Variants in PPP4R3B observed in about 807,000 individuals in gnomAD.
The protein encoded by PPP4R3B is serine/threonine-protein phosphatase 4 regulatory subunit 3B.
A neutral mutation model predicts 95.4 loss-of-function variants in PPP4R3B; 52 were observed. That is an observed-to-expected ratio of 0.54 (90% confidence interval 0.44 to 0.69). PPP4R3B has a LOEUF of 0.69. PPP4R3B is among the 30% of genes least tolerant of loss of function. The pLI is 0.00. For missense variants in PPP4R3B, 1,003 were observed against 1,005.9 expected (o/e 1.00, Z 0.04); for synonymous variants, 407 against 343.9 (o/e 1.18, Z -2.03).
intron 3 of PPP4R3B, among the ~76,000 whole-genome samples, chr2:55,602,484 A>G (rs1692756315): frequency 1.3e-5 from 2 of 152,176 alleles, no homozygotes; most frequent in South Asian, 4.1e-4. Context: ...CTATGCTAAC[A>G]ATGTGCTATG....
chr2:55,601,949 C>G (rs998226145), intron 3 of PPP4R3B, among the ~76,000 whole-genome samples: 3 of 152,042 alleles, frequency 2.0e-5, no homozygotes, highest in African/African-American at 7.2e-5. Context: ...CTAAACTAAA[C>G]TAAGAAAAAT....
At chr2:55,605,821 G>T (rs938745215) in intron 2 of PPP4R3B, among the ~76,000 whole-genome samples, 1 of 150,208 alleles carries the variant, frequency 6.7e-6, no homozygotes, top group Non-Finnish European at 1.5e-5. Context: ...CAAAAGAATC[G>T]CTTGAACCGG....
intron 2 of PPP4R3B, among the ~76,000 whole-genome samples, chr2:55,605,659 A>C (rs1572718924): frequency 6.6e-6 from 1 of 152,052 alleles, no homozygotes; most frequent in Admixed American, 6.5e-5. Flanking sequence ...TGTAATCCCA[A>C]CACTTTGGGA....
intron 8 of PPP4R3B, among the ~76,000 whole-genome samples, chr2:55,580,802 G>A (rs1187097631): frequency 6.6e-6 from 1 of 152,072 alleles, no homozygotes; most frequent in Non-Finnish European, 1.5e-5. Flanking sequence ...TCCATATTGA[G>A]AGAATGACTA....
At position 55,558,908 on chromosome 2, in the gene PPP4R3B, A is replaced by C; in HGVS notation, c.2321T>G (p.Phe774Cys). The C allele has an allele frequency of 1.2e-6, 2 of 1,614,002 alleles. No homozygotes were observed. Among genetic ancestry groups the C allele is most frequent in the Non-Finnish European group, 1.7e-6 (2 of 1,179,928 alleles). ...PKRTSPGGFK[F>C]TFSHSASAAN... ...AGCACTGGCAGAGTGGGAGAAAGTAAATTTGAAGCCACCAGGAGATGTCCT... is the reference window on the plus strand; with the variant it reads ...AGCACTGGCAGAGTGGGAGAAAGTACATTTGAAGCCACCAGGAGATGTCCT... Residue 774 changes from phenylalanine (F) to cysteine (C), a missense_variant, in exon 16 of 17, where the codon TTT (phenylalanine) becomes TGT (cysteine). Transcript: ENST00000616407.
At chr2:55,573,991 TG>T (rs1688332739) in intron 11 of PPP4R3B, among the ~76,000 whole-genome samples, 1 of 147,024 alleles carries the variant, frequency 6.8e-6, no homozygotes, top group South Asian at 2.2e-4. Flanking sequence ...CAGGCTCAAC[TG>T]ATCCTCCCAC....
chr2:55,596,589 T>C (rs1241511756), intron 4 of PPP4R3B, among the ~76,000 whole-genome samples: 1 of 152,246 alleles, frequency 6.6e-6, no homozygotes, highest in Non-Finnish European at 1.5e-5. Flanking sequence ...AGGTATTTTG[T>C]GGCAAAGTTA....
chr2:55,572,057 G>A lies in PPP4R3B; in HGVS notation c.1765+1562C>T, dbSNP rs186186416. On this transcript the variant is annotated intron_variant, in intron 12 of 16. Coordinates refer to ENST00000616407, the MANE Select transcript of PPP4R3B (RefSeq NM_001122964.3). Reference sequence around the variant, plus strand: ...GGAAAGGTATGGTTGCCTTAATAAAGGTGCTGATACTGTTGGCTATGTATC... The same window carrying A: ...GGAAAGGTATGGTTGCCTTAATAAAAGTGCTGATACTGTTGGCTATGTATC... Among the ~76,000 whole-genome samples, 13 of 152,306 alleles carry A rather than the reference G, an allele frequency of 8.5e-5. No individual in the cohort carries two copies. In the East Asian group the frequency reaches 1.9e-3, roughly 23 times the overall value.
Position 55,581,692 on chromosome 2 carries a change from G to A in PPP4R3B, c.1240C>T (p.Leu414Phe), listed in dbSNP as rs754328408. 6.8e-6 allele frequency: 11 copies of A among 1,611,334 alleles called. No individual in the cohort carries two copies. The South Asian group carries it at 1.2e-4, about 18-fold the overall frequency. ...TGTTCAATTACCACATTAATAAGAA[G>A]AATATCCTGGTGGCAAAACAAAACA... ...QEAQQSDDDI[L>F]LINVVIEQMI... Residue 414 changes from leucine to phenylalanine, a missense_variant, in exon 8 of 17, where the codon CTT becomes TTT. By Grantham distance (22) the Leu-to-Phe change is conservative. Around this residue, in one of 3 missense-constraint regions of PPP4R3B, gnomAD observed 695 missense variants for 686.2 expected, o/e 1.01. Transcript: ENST00000616407.
At chr2:55,555,018 C>T (rs1329592344) in intron 16 of PPP4R3B, among the ~76,000 whole-genome samples, 4 of 152,098 alleles carry the variant, frequency 2.6e-5, no homozygotes, top group African/African-American at 4.8e-5. Context: ...CGGTGGCTCA[C>T]GCCTGTAATC....
At chr2:55,571,084 G>A (rs1246913785) in intron 12 of PPP4R3B, among the ~76,000 whole-genome samples, 3 of 152,198 alleles carry the variant, frequency 2.0e-5, no homozygotes, top group Admixed American at 2.0e-4. Flanking sequence ...GCTGAGGAGG[G>A]TGGATCATGA....
chr2:55,600,426 C>CAAA (rs60764774), intron 3 of PPP4R3B, among the ~76,000 whole-genome samples: 617 of 22,194 alleles, frequency 0.028, 232 homozygotes, highest in South Asian at 0.047. Flanking sequence ...AACTCTGTCT[C>CAAA]AAAAAAAAAA....
rs571407710 is a variant in PPP4R3B at position 55,570,461 on chromosome 2, G to A, written c.1766-2098C>T. On this transcript the variant is annotated intron_variant, in intron 12 of 16. Transcript: ENST00000616407. ...TGAAAAGAAATCTCCTTTTTAACTC[G>A]TGACTAGCTAAATAAAGCTTACTAA... 3.3e-5 allele frequency among the ~76,000 whole-genome samples: 5 copies of A among 152,232 alleles called. No homozygotes were observed. The East Asian group carries it at 9.6e-4, about 29-fold the overall frequency.
rs1243376837 is a variant in PPP4R3B at position 55,548,559 on chromosome 2, CAAAATT to C, written c.*1346_*1351del. 6.6e-6 allele frequency: 1 copy of C among 152,500 alleles called. No individual in the cohort carries two copies. Among genetic ancestry groups the C allele is most frequent in the East Asian group, 1.9e-4 (1 of 5,196 alleles). 9.4% of individuals were successfully genotyped at this position (152,500 alleles called of 1,614,324 possible). On this transcript the variant is annotated 3_prime_UTR_variant, in exon 17 of 17. Coordinates refer to ENST00000616407, the MANE Select transcript of PPP4R3B (RefSeq NM_001122964.3). Reference sequence around the variant, plus strand: ...CAGCTCATCTTTTCCAAACAATAGCCAAAATTAAAATTAACTACAAAATCTCCAAAA... The same window carrying C: ...CAGCTCATCTTTTCCAAACAATAGCCAAAATTAACTACAAAATCTCCAAAA...
At chr2:55,617,063 G>T in intron 1 of PPP4R3B, 81 bp downstream of exon 1, 1 of 1,477,862 alleles carries the variant, frequency 6.8e-7, no homozygotes. Flanking sequence ...AGTAGCAACG[G>T]TAACGGGCCC....
At chr2:55,603,346 A>C (rs942282252) in intron 3 of PPP4R3B, among the ~76,000 whole-genome samples, 7 of 152,222 alleles carry the variant, frequency 4.6e-5, no homozygotes, top group Non-Finnish European at 1.0e-4. Context: ...ATAATCTAAT[A>C]CAGTAATCAC....
chr2:55,607,893 T>C (rs375203248), intron 2 of PPP4R3B, among the ~76,000 whole-genome samples: 22 of 152,336 alleles, frequency 1.4e-4, no homozygotes, highest in East Asian at 1.2e-3. Flanking sequence ...CCAATGCCTT[T>C]TCCATTTTGG....
chr2:55,616,662 G>C (rs1051716861), intron 1 of PPP4R3B: 9 of 152,392 alleles, frequency 5.9e-5, no homozygotes, highest in African/African-American at 1.7e-4. Flanking sequence ...AATACAGCCA[G>C]GAAAACGTGC....
Position 55,617,232 on chromosome 2 carries a change from T to A in PPP4R3B, c.54A>T (p.Gln18His), listed in dbSNP as rs1220368935. 1 of 1,614,092 alleles carries A rather than the reference T, an allele frequency of 6.2e-7. No individual in the cohort carries two copies. Among genetic ancestry groups the A allele is most frequent in the South Asian group, 1.1e-5 (1 of 91,076 alleles). Residue 18 changes from glutamine (Q) to histidine (H), a missense_variant, in exon 1 of 17, where the codon CAA (glutamine) becomes CAT (histidine). By Grantham distance (24) the Gln-to-His change is conservative. Around this residue, in one of 3 missense-constraint regions of PPP4R3B, gnomAD observed 695 missense variants for 686.2 expected, o/e 1.01. Transcript: ENST00000616407. ...CGTGCCCGGTGCCTCGGTCGTCCCATTGCCGGTCTTCGTTCAGGGTATAGA... is the reference window on the plus strand; with the variant it reads ...CGTGCCCGGTGCCTCGGTCGTCCCAATGCCGGTCTTCGTTCAGGGTATAGA... ...VKVYTLNEDR[Q>H]WDDRGTGHVS...
Sources: allele counts gnomAD v4.1 joint callset (sites outside exome capture counted in the v4.1 genomes callset), GRCh38; gene constraint gnomAD v4.1.1; regional missense constraint gnomAD v4.1.1; transcripts MANE v1.5; gene names NCBI Gene and HGNC (gene_info 2026-07-23, HGNC 2026-07-21).